PROZ: variants seen among roughly 807,000 people sequenced by gnomAD.
PROZ encodes protein Z, vitamin K dependent plasma glycoprotein, also known as vitamin K-dependent protein Z.
Under a neutral mutation model 34.9 loss-of-function variants are expected in PROZ, and 46 were observed. The ratio of observed to expected loss-of-function variants is 1.32; its 90% CI spans 1.04 to 1.69. The LOEUF (loss-of-function observed/expected upper bound fraction) is 1.69, where lower values mean the gene tolerates loss of function less well. PROZ is among the 40% of genes most tolerant of loss of function. The pLI, the probability that PROZ is intolerant of heterozygous loss-of-function variation, is 0.00. For synonymous variants in PROZ, 195 were observed against 208.5 expected (o/e 0.94, Z 0.56); for missense variants, 530 against 520.4 (o/e 1.02, Z -0.18).
At position 113,171,674 on chromosome 13, in the gene PROZ, G is replaced by C. The variant is rs774282350; in HGVS notation, c.772G>C (p.Gly258Arg). ...HVHMRYDADA[G>R]ENDLSLLELE... The stretch of plus-strand genomic sequence containing the variant: ...GCACATGCGGTATGACGCGGACGCG[G>C]GGGAGAATGACCTGTCACTGCTGGA... Residue 258 changes from glycine to arginine, a missense_variant, in exon 8 of 8, where the codon GGG (glycine) becomes CGG (arginine). Transcript: ENST00000375547. This position sits in a 1 kb window ranked among gnomAD's most constrained non-coding sequence, Gnocchi z 5.1. 5 of 1,613,916 alleles carry C rather than the reference G, an allele frequency of 3.1e-6. No individual in the cohort carries two copies. The highest frequency in any genetic ancestry group is 4.2e-6 in the Non-Finnish European group (5 of 1,180,028).
chr13:113,171,452 G>A lies in PROZ; in HGVS notation c.692-142G>A, dbSNP rs2037108427. Reference sequence around the variant, plus strand: ...CTTTCTGTCCGCAGAAAGGCACAGTGTCCACACCACGGGGCGGTGAGCCTG... The same window carrying A: ...CTTTCTGTCCGCAGAAAGGCACAGTATCCACACCACGGGGCGGTGAGCCTG... On this transcript the variant is annotated intron_variant, in intron 7 of 7. Coordinates refer to ENST00000375547, the MANE Select transcript of PROZ (RefSeq NM_003891.3). The surrounding 1 kb of genome is among the most constrained non-coding windows in gnomAD (Gnocchi z 5.1). 3 of 968,366 alleles carry A rather than the reference G, an allele frequency of 3.1e-6. No individual in the cohort carries two copies. Among genetic ancestry groups the A allele is most frequent in the Non-Finnish European group, 1.6e-6 (1 of 643,744 alleles). 60.0% of individuals were successfully genotyped at this position (968,366 alleles called of 1,614,324 possible).
In PROZ at chr13:113,170,548, A is replaced by G. The variant is rs1379542087; in HGVS notation, c.691+18A>G. 7.0e-7 allele frequency: 1 copy of G among 1,435,118 alleles called. No homozygotes were observed. The highest frequency in any genetic ancestry group is 1.4e-5 in the African/African-American group (1 of 71,272). 88.9% of individuals were successfully genotyped at this position (1,435,118 alleles called of 1,614,324 possible). A position where few individuals can be genotyped will look rare whatever the true frequency, so the allele number is the denominator to read the frequency against. ...AAAAACATGTAAGTATTTTATCATG[A>G]GTTTTTATAAAACCACATTGGAAAT... On this transcript the variant is annotated intron_variant, in intron 7 of 7. Transcript: ENST00000375547.
At position 113,170,664 on chromosome 13, in the gene PROZ, G is replaced by A. The variant is rs1343164417; in HGVS notation, c.691+134G>A. The A allele has an allele frequency of 7.5e-6, 5 of 666,862 alleles. No individual in the cohort carries two copies. The African/African-American group carries it at 9.0e-5, about 12-fold the overall frequency. The allele number at this position is 666,862 out of a possible 1,614,324, so 41.3% of individuals were successfully genotyped here. A position where few individuals can be genotyped will look rare whatever the true frequency, so the allele number is the denominator to read the frequency against. ...CTGAATTTACTGTCAATAAAACTGA[G>A]ATACTTATCAACTCAGGAAGCATAT... On this transcript the variant is annotated intron_variant, in intron 7 of 7. Transcript: ENST00000375547.
At position 113,164,687 on chromosome 13, in the gene PROZ, C is replaced by T. The variant is rs201453223; in HGVS notation, c.505+43C>T. On this transcript the variant is annotated intron_variant, in intron 5 of 7. Transcript: ENST00000375547. ...AGCGGCCTCCAGCTTCCAATGCCAG[C>T]GACCCCGTCCACATCCTCCTTCCTT... 26 of 1,610,184 alleles carry T rather than the reference C, an allele frequency of 1.6e-5. No individual in the cohort carries two copies. In the Admixed American group the frequency reaches 2.3e-4, roughly 15 times the overall value.
Position 113,172,021 on chromosome 13 carries a change from G to A in PROZ, c.1119G>A (p.Ser373=), listed in dbSNP as rs376192200. ...GSWFLTGVLG[S]QPVGGQAHMV... ...GGTTTCTCACGGGGGTCCTGGGCTC[G>A]CAGCCAGTAGGAGGGCAGGCTCACA... is the stretch of plus-strand genomic sequence containing the variant. The change falls in exon 8 of 8, where the codon TCG becomes TCA. Residue 373 remains serine (S), a synonymous_variant. Coordinates refer to ENST00000375547, the MANE Select transcript of PROZ (RefSeq NM_003891.3). The A allele has an allele frequency of 7.4e-6, 12 of 1,613,006 alleles. No individual in the cohort carries two copies. Among genetic ancestry groups the A allele is most frequent in the South Asian group, 2.2e-5 (2 of 91,084 alleles).
intron 4 of PROZ, 41 bp from the exon 5 acceptor site, chr13:113,164,472 A>C (rs778548951): frequency 1.0e-5 from 16 of 1,603,386 alleles, no homozygotes; most frequent in Non-Finnish European, 1.4e-5. Flanking sequence ...TAAAATGACT[A>C]TTTCCAAGCT....
chr13:113,160,140 A>T lies in PROZ; in HGVS notation c.197A>T (p.Glu66Val). ...KECYEEICVY[E>V]EAREVFENEV... ...TGTTATGAAGAAATCTGTGTCTATG[A>T]AGAAGCAAGAGAAGTGTTTGAAAAT... Residue 66 changes from glutamate (E) to valine (V), a missense_variant, in exon 2 of 8, where the codon GAA becomes GTA. Physicochemically the swap from Glu to Val is moderately radical, Grantham distance 121 (BLOSUM62 -2). Coordinates refer to ENST00000375547, the MANE Select transcript of PROZ (RefSeq NM_003891.3). The T allele has an allele frequency of 6.2e-7, 1 of 1,614,176 alleles. No homozygotes were observed. The highest frequency in any genetic ancestry group is 8.5e-7 in the Non-Finnish European group (1 of 1,180,026).
chr13:113,172,142 G>C lies in PROZ; in HGVS notation c.*37G>C. The C allele has an allele frequency of 6.2e-7, 1 of 1,607,302 alleles. No individual in the cohort carries two copies. The highest frequency in any genetic ancestry group is 8.5e-7 in the Non-Finnish European group (1 of 1,177,652). On this transcript the variant is annotated 3_prime_UTR_variant, in exon 8 of 8. Coordinates refer to ENST00000375547, the MANE Select transcript of PROZ (RefSeq NM_003891.3). ...CTAGCCAGAATGAACAACACAACCG[G>C]AAGCGGGATTCCAAGCTGGCACTGC... is the stretch of plus-strand genomic sequence containing the variant.
At position 113,165,034 on chromosome 13, in the gene PROZ, G is replaced by A. The variant is rs1003294314; in HGVS notation, c.506-19G>A. On this transcript the variant is annotated intron_variant, in intron 5 of 7. Transcript: ENST00000375547. Reference sequence around the variant, plus strand: ...AGAAGGCGCTGATTTTTATTCTCATGTTGCTGCCGCAAATGCAGACCAGTG... The same window carrying A: ...AGAAGGCGCTGATTTTTATTCTCATATTGCTGCCGCAAATGCAGACCAGTG... 1 of 1,613,028 alleles carries A rather than the reference G, an allele frequency of 6.2e-7. No homozygotes were observed. Among genetic ancestry groups the A allele is most frequent in the Non-Finnish European group, 8.5e-7 (1 of 1,179,676 alleles).
intron 4 of PROZ, among the ~76,000 whole-genome samples, chr13:113,163,381 C>CCA (rs1555397569): frequency 6.6e-6 from 1 of 152,168 alleles, no homozygotes; most frequent in African/African-American, 2.4e-5. Flanking sequence ...CCCTCTCCTC[C>CCA]CCCCACCACC....
In PROZ at chr13:113,162,881, C is replaced by G. The variant is rs2036786124; in HGVS notation, c.260-128C>G. The G allele has an allele frequency of 5.9e-6, 4 of 675,208 alleles. No individual in the cohort carries two copies. In the South Asian group the frequency reaches 6.6e-5, roughly 11 times the overall value. The allele number at this position is 675,208 out of a possible 1,614,324, so 41.8% of individuals were successfully genotyped here. On this transcript the variant is annotated intron_variant, in intron 3 of 7. Transcript: ENST00000375547. ...CCTGCTCAGGTGCTCAGGTCCCCGT[C>G]CCTGCTGCCACCCCCCACTCCATCC...
rs753518204 is a variant in PROZ at position 113,171,840 on chromosome 13, C to T, written c.938C>T (p.Ser313Leu). ...WARNGTDLGNSLTTRPVTLVE... is the reference protein window; with the variant it reads ...WARNGTDLGNLLTTRPVTLVE... ...CGCAATGGCACTGACCTGGGCAACT[C>T]GCTGACCACGCGGCCTGTCACACTT... is the stretch of plus-strand genomic sequence containing the variant. The change falls in exon 8 of 8, where the codon TCG becomes TTG. Residue 313 changes from serine to leucine, a missense_variant. Ser to Leu is a moderately radical substitution (Grantham distance 145). Coordinates refer to ENST00000375547, the MANE Select transcript of PROZ (RefSeq NM_003891.3). The surrounding 1 kb of genome is among the most constrained non-coding windows in gnomAD (Gnocchi z 5.1). 1.9e-6 allele frequency: 3 copies of T among 1,613,630 alleles called. No individual in the cohort carries two copies. The highest frequency in any genetic ancestry group is 1.1e-5 in the South Asian group (1 of 91,090).
In PROZ at chr13:113,159,465, C is replaced by G. The variant is rs1026422968; in HGVS notation, c.71-549C>G. On this transcript the variant is annotated intron_variant, in intron 1 of 7. Coordinates refer to ENST00000375547, the MANE Select transcript of PROZ (RefSeq NM_003891.3). This position sits in a 1 kb window ranked among gnomAD's most constrained non-coding sequence, Gnocchi z 4.6. Reference sequence around the variant, plus strand: ...GGAAGGGCCTGGGCTTTGACCCTCCCGGAGAGGGAGAGAACATGCTTTGGG... The same window carrying G: ...GGAAGGGCCTGGGCTTTGACCCTCCGGGAGAGGGAGAGAACATGCTTTGGG... Among the ~76,000 whole-genome samples, 1 of 152,174 alleles carries G rather than the reference C, an allele frequency of 6.6e-6. No individual in the cohort carries two copies. Among genetic ancestry groups the G allele is most frequent in the Non-Finnish European group, 1.5e-5 (1 of 67,968 alleles).
rs1381548415 is a variant in PROZ, at chr13:113,172,178, G to A, written c.*73G>A. The A allele has an allele frequency of 6.4e-7, 1 of 1,570,664 alleles. No individual in the cohort carries two copies. The highest frequency in any genetic ancestry group is 8.7e-7 in the Non-Finnish European group (1 of 1,155,520). ...CCAAGCTGGCACTGCCACTGTGGAG[G>A]GCGCTGAAACTTCATCACACACTGA... On this transcript the variant is annotated 3_prime_UTR_variant, in exon 8 of 8. Transcript: ENST00000375547.
chr13:113,161,764 GTCC>G (rs1353071387), intron 3 of PROZ, among the ~76,000 whole-genome samples: 2 of 22,210 alleles, frequency 9.0e-5, no homozygotes, highest in African/African-American at 1.6e-4. Context: ...CTGCCCCCCC[GTCC>G]TCCTCCTGCT....
In PROZ at chr13:113,171,446, CA is replaced by C; in HGVS notation, c.692-147del. The C allele has an allele frequency of 1.1e-6, 1 of 900,538 alleles. No individual in the cohort carries two copies. The highest frequency in any genetic ancestry group is 2.6e-5 in the East Asian group (1 of 37,994). The allele number at this position is 900,538 out of a possible 1,614,324, so 55.8% of individuals were successfully genotyped here. On this transcript the variant is annotated intron_variant, in intron 7 of 7. Coordinates refer to ENST00000375547, the MANE Select transcript of PROZ (RefSeq NM_003891.3). This position sits in a 1 kb window ranked among gnomAD's most constrained non-coding sequence, Gnocchi z 5.1. ...AGTGGCCTTTCTGTCCGCAGAAAGG[CA>C]CAGTGTCCACACCACGGGGCGGTGA...
chr13:113,168,937 C>G (rs765066183), intron 6 of PROZ, among the ~76,000 whole-genome samples: 24 of 152,230 alleles, frequency 1.6e-4, no homozygotes, highest in Non-Finnish European at 3.1e-4. Flanking sequence ...CTATGTTGCT[C>G]AGGCTGGTCT....
chr13:113,171,559 G>T lies in PROZ; in HGVS notation c.692-35G>T. 1 of 1,613,570 alleles carries T rather than the reference G, an allele frequency of 6.2e-7. No homozygotes were observed. The highest frequency in any genetic ancestry group is 1.1e-5 in the South Asian group (1 of 90,962). ...GAGCATTATGTCCCCTTGAAAATCA[G>T]ACTGTAAAGAACTGACGATTGTTCA... On this transcript the variant is annotated intron_variant, in intron 7 of 7. Coordinates refer to ENST00000375547, the MANE Select transcript of PROZ (RefSeq NM_003891.3). The surrounding 1 kb of genome is among the most constrained non-coding windows in gnomAD (Gnocchi z 5.1).
Position 113,163,458 on chromosome 13 carries a change from C to A in PROZ, c.373+336C>A, listed in dbSNP as rs534445424. On this transcript the variant is annotated intron_variant, in intron 4 of 7. Coordinates refer to ENST00000375547, the MANE Select transcript of PROZ (RefSeq NM_003891.3). ...ACAGGCGTCCTCAGTGCCAGACTCC[C>A]AGTGGGAGACTGCAGACAGGGAAGA... Among the ~76,000 whole-genome samples the A allele has an allele frequency of 7.1e-3, 1,084 of 152,238 alleles. 12 individuals are homozygous for A. Among genetic ancestry groups the A allele is most frequent in the African/African-American group, 0.025 (1,033 of 41,534 alleles).
Sources: allele counts gnomAD v4.1 joint callset (sites outside exome capture counted in the v4.1 genomes callset), GRCh38; gene constraint gnomAD v4.1.1; non-coding constraint Gnocchi (gnomAD v3.1); transcripts MANE v1.5; gene names NCBI Gene and HGNC (gene_info 2026-07-23, HGNC 2026-07-21).